ADAMTS17: variants seen among roughly 807,000 people sequenced by gnomAD.
The protein encoded by ADAMTS17 is ADAM metallopeptidase with thrombospondin type 1 motif 17, also known as A disintegrin and metalloproteinase with thrombospondin motifs 17.
Under a neutral mutation model 141.5 loss-of-function variants are expected in ADAMTS17, and 113 were observed. The ratio of observed to expected loss-of-function variants is 0.80; its 90% CI spans 0.69 to 0.93. ADAMTS17 has a LOEUF of 0.93. Ranked by LOEUF, ADAMTS17 falls within the 40% of genes least tolerant of loss-of-function variation. The pLI, the probability that ADAMTS17 is intolerant of heterozygous loss-of-function variation, is 0.00. For missense variants in ADAMTS17, 1,659 were observed against 1,517.9 expected (o/e 1.09, Z -1.54); for synonymous variants, 768 against 630.6 (o/e 1.22, Z -3.27).
intron 15 of ADAMTS17, among the ~76,000 whole-genome samples, chr15:100,058,862 A>C (rs1359740333): frequency 6.6e-6 from 1 of 152,238 alleles, no homozygotes; most frequent in Non-Finnish European, 1.5e-5. Context: ...GGAAAGCGAA[A>C]GAGGCTGCGG....
rs549710411 is a variant in ADAMTS17, at chr15:100,189,071, G to C, written c.1181+10247C>G. Among the ~76,000 whole-genome samples the C allele has an allele frequency of 9.9e-5, 15 of 152,280 alleles. No individual in the cohort carries two copies. The East Asian group carries it at 2.5e-3, about 25-fold the overall frequency. On this transcript the variant is annotated intron_variant, in intron 8 of 21. Transcript: ENST00000268070. ...CTATCATGTTCTACACGAGTCCCCT[G>C]GCAGGCCTGAGCCCTGCATTTCCAA...
At chr15:100,010,249 G>A (rs2061136116) in intron 18 of ADAMTS17, among the ~76,000 whole-genome samples, 1 of 152,214 alleles carries the variant, frequency 6.6e-6, no homozygotes, top group South Asian at 2.1e-4. Context: ...TTAGCAGCAT[G>A]AGAACAGACT....
rs754545712 is a variant in ADAMTS17 at position 100,328,530 on chromosome 15, AG to A, written c.616+2358del. Among the ~76,000 whole-genome samples, 233 of 152,304 alleles carry A rather than the reference AG, an allele frequency of 1.5e-3. 2 individuals carry two copies. The highest frequency in any genetic ancestry group is 2.8e-3 in the Non-Finnish European group (193 of 68,008). ...CTGATGCAAGGTTTGAGAGCAGGGA[AG>A]GAGAGATTGTATTTTTAAGCAAGTT... On this transcript the variant is annotated intron_variant, in intron 3 of 21. Transcript: ENST00000268070.
At chr15:100,294,205 G>T (rs1206897391) in intron 3 of ADAMTS17, among the ~76,000 whole-genome samples, 1 of 152,074 alleles carries the variant, frequency 6.6e-6, no homozygotes, top group African/African-American at 2.4e-5. Flanking sequence ...TAATTATTAG[G>T]GTCTAAGTAC....
intron 10 of ADAMTS17, among the ~76,000 whole-genome samples, chr15:100,140,508 T>TATATATATATATATATATATATATATAA (rs61080608): frequency 7.2e-6 from 1 of 139,710 alleles, no homozygotes; most frequent in East Asian, 2.2e-4. Context: ...TATATATATA[T>TATATATATATATATATATATATATATAA]CCAGTAAAGA....
chr15:100,137,363 A>C (rs938391087), intron 10 of ADAMTS17, among the ~76,000 whole-genome samples: 6 of 152,352 alleles, frequency 3.9e-5, no homozygotes, highest in African/African-American at 1.4e-4. Flanking sequence ...CTGGGGAAAG[A>C]GTAAAATATA....
At chr15:100,232,124 G>C (rs1199964256) in intron 7 of ADAMTS17, among the ~76,000 whole-genome samples, 1 of 152,228 alleles carries the variant, frequency 6.6e-6, no homozygotes, top group African/African-American at 2.4e-5. Context: ...CTTCCAATGA[G>C]ATAGGCAGAA....
intron 15 of ADAMTS17, among the ~76,000 whole-genome samples, chr15:100,057,861 T>G (rs2032724062): frequency 6.6e-6 from 1 of 152,002 alleles, no homozygotes; most frequent in South Asian, 2.1e-4. Context: ...GTTTCTCCTG[T>G]GACATCATTT....
intron 7 of ADAMTS17, among the ~76,000 whole-genome samples, chr15:100,238,082 G>A (rs1567408254): frequency 6.6e-6 from 1 of 152,224 alleles, no homozygotes; most frequent in Non-Finnish European, 1.5e-5. Flanking sequence ...CACTCACCCT[G>A]CTGTCCATGG....
At chr15:100,081,236 C>T (rs986483738) in intron 15 of ADAMTS17, among the ~76,000 whole-genome samples, 1 of 152,202 alleles carries the variant, frequency 6.6e-6, no homozygotes, top group Non-Finnish European at 1.5e-5. Flanking sequence ...CCTGGAACAT[C>T]AGACCCCAAG....
At chr15:100,204,246 T>C (rs371133736) in intron 7 of ADAMTS17, among the ~76,000 whole-genome samples, 2 of 152,230 alleles carry the variant, frequency 1.3e-5, no homozygotes, top group South Asian at 2.1e-4. Context: ...AGTTGTTGCA[T>C]ATAAGCCATC....
chr15:100,196,124 T>G (rs1463284586), intron 8 of ADAMTS17, among the ~76,000 whole-genome samples: 1 of 152,196 alleles, frequency 6.6e-6, no homozygotes, highest in African/African-American at 2.4e-5. Flanking sequence ...GCAGCAGTAT[T>G]GACATTACCA....
At position 100,261,601 on chromosome 15, in the gene ADAMTS17, G is replaced by A. The variant is rs1447154670; in HGVS notation, c.909C>T (p.Ser303=). The A allele has an allele frequency of 5.6e-6, 9 of 1,613,846 alleles. No individual in the cohort carries two copies. The highest frequency in any genetic ancestry group is 3.3e-5 in the South Asian group (3 of 91,058). ...KLSIGHHGER[S]LESFCHWQNE... The stretch of plus-strand genomic sequence containing the variant: ...TCTGCCAGTGACAGAAGCTCTCCAG[G>A]GACCGCTCACCATGGTGCCCAATGG... Residue 303 remains serine, a synonymous_variant, in exon 6 of 22, where the codon TCC becomes TCT. Transcript: ENST00000268070.
chr15:100,115,532 G>C (rs1315466929), intron 13 of ADAMTS17, among the ~76,000 whole-genome samples: 1 of 152,164 alleles, frequency 6.6e-6, no homozygotes. Context: ...CTACAATTTA[G>C]AGCATCACAT....
chr15:100,136,389 G>A (rs2038335659), intron 10 of ADAMTS17, among the ~76,000 whole-genome samples: 1 of 152,220 alleles, frequency 6.6e-6, no homozygotes, highest in Non-Finnish European at 1.5e-5. Context: ...TTGGCCACCA[G>A]CACTGCTCTC....
chr15:100,221,433 G>A (rs2042131176), intron 7 of ADAMTS17, among the ~76,000 whole-genome samples: 2 of 152,108 alleles, frequency 1.3e-5, no homozygotes, highest in South Asian at 4.1e-4. Flanking sequence ...TGCACTATTT[G>A]TACAAACTAT....
chr15:100,114,551 G>A (rs567538359), intron 13 of ADAMTS17, among the ~76,000 whole-genome samples: 39 of 152,344 alleles, frequency 2.6e-4, no homozygotes, highest in East Asian at 9.6e-4. Flanking sequence ...AGAGCAGGAC[G>A]TGTCGAGCTA....
At chr15:100,214,280 A>C (rs1531691) in intron 7 of ADAMTS17, among the ~76,000 whole-genome samples, 23,145 of 152,124 alleles carry the variant, frequency 0.15, 2,052 homozygotes, top group East Asian at 0.28. Context: ...AGAAGGTTCT[A>C]CCTTATGCTC....
At position 99,976,214 on chromosome 15, in the gene ADAMTS17, C is replaced by T. The variant is rs377359204; in HGVS notation, c.2958G>A (p.Ser986=). ...WKTGDWSTCS[S]TCGKGLQSRV... is the part of the protein sequence containing the mutation. ...GGGACTGCAGGCCCTTCCCGCAGGTCGACGAGCACTGCAGAGACAGGACAG... is the reference window on the plus strand; with the variant it reads ...GGGACTGCAGGCCCTTCCCGCAGGTTGACGAGCACTGCAGAGACAGGACAG... Residue 986 remains serine (S), a synonymous_variant, in exon 21 of 22, where the codon TCG becomes TCA. Coordinates refer to ENST00000268070, the MANE Select transcript of ADAMTS17 (RefSeq NM_139057.4). 11 of 1,545,818 alleles carry T rather than the reference C, an allele frequency of 7.1e-6. No individual in the cohort carries two copies. Among genetic ancestry groups the T allele is most frequent in the East Asian group, 2.4e-5 (1 of 40,930 alleles).
Sources: gnomAD v4.1 joint callset for allele counts (sites outside exome capture counted in the v4.1 genomes callset) on GRCh38, gnomAD v4.1.1 for gene constraint, MANE v1.5 for transcripts, NCBI Gene and HGNC (gene_info 2026-07-23, HGNC 2026-07-21) for gene names.